The following CSMD1 variants were observed in gnomAD, a reference collection of about 807,000 sequenced individuals.
CSMD1 encodes CUB and sushi domain-containing protein 1.
A neutral mutation model predicts 417.5 loss-of-function variants in CSMD1; 213 were observed. That is an observed-to-expected ratio of 0.51 (90% CI 0.46 to 0.57). CSMD1 has a LOEUF of 0.57. Ranked by LOEUF, CSMD1 falls within the 20% of genes least tolerant of loss-of-function variation. The pLI is 0.00. For missense variants in CSMD1, 6,923 were observed against 4,529.7 expected (o/e 1.53, Z -15.17); for synonymous variants, 2,862 against 1,736.8 (o/e 1.65, Z -16.11).
intron 8 of CSMD1, among the ~76,000 whole-genome samples, chr8:3,609,387 G>T (rs977507800): frequency 2.6e-4 from 39 of 152,230 alleles, no homozygotes; most frequent in Admixed American, 2.0e-3. Context: ...TTTAGACAGT[G>T]GTCTATGGTG....
At chr8:4,772,001 TC>T (rs915115192) in intron 1 of CSMD1, among the ~76,000 whole-genome samples, 6 of 152,160 alleles carry the variant, frequency 3.9e-5, no homozygotes, top group African/African-American at 1.4e-4. Flanking sequence ...GACCCATGTC[TC>T]GTTTCACTGC....
At chr8:2,955,898 A>T in intron 63 of CSMD1, 130 bp from the exon 64 acceptor site, 1 of 588,374 alleles carries the variant, frequency 1.7e-6, no homozygotes, top group South Asian at 3.2e-5. Flanking sequence ...ATATATATAC[A>T]CATATATATG....
intron 3 of CSMD1, among the ~76,000 whole-genome samples, chr8:4,236,730 C>T (rs111460862): frequency 6.6e-5 from 10 of 152,240 alleles, no homozygotes; most frequent in East Asian, 1.9e-4. Context: ...ACTGTGCCTT[C>T]GAAGACTGCT....
chr8:4,561,057 A>G (rs1798309421), intron 2 of CSMD1, among the ~76,000 whole-genome samples: 1 of 152,212 alleles, frequency 6.6e-6, no homozygotes, highest in African/African-American at 2.4e-5. Context: ...TACAAATGAT[A>G]ACAATAAAAT....
intron 3 of CSMD1, among the ~76,000 whole-genome samples, chr8:4,156,051 T>C (rs1796816815): frequency 6.6e-6 from 1 of 152,076 alleles, no homozygotes; most frequent in Non-Finnish European, 1.5e-5. Flanking sequence ...GCTCCATAGA[T>C]TCCTACAGAA....
chr8:4,938,917 A>G (rs1807801895), intron 1 of CSMD1, among the ~76,000 whole-genome samples: 2 of 151,876 alleles, frequency 1.3e-5, no homozygotes, highest in Admixed American at 1.3e-4. Flanking sequence ...CTTTTCATAT[A>G]CTTGTTAAAC....
chr8:3,649,502 AT>A (rs1387916750), intron 7 of CSMD1, among the ~76,000 whole-genome samples: 1 of 152,194 alleles, frequency 6.6e-6, no homozygotes, highest in African/African-American at 2.4e-5. Context: ...ATTTACAATC[AT>A]GGTGGAAAGC....
rs150719253 is a variant in CSMD1 at position 3,969,598 on chromosome 8, G to C, written c.818+28305C>G. On this transcript the variant is annotated intron_variant, in intron 5 of 69. Coordinates refer to ENST00000635120, the MANE Select transcript of CSMD1 (RefSeq NM_033225.6). ...GGCATAATTGAAATTTCATTCCATC[G>C]TAACTTGACATAAAATTAAATAAAG... Among the ~76,000 whole-genome samples the C allele has an allele frequency of 3.5e-3, 525 of 152,056 alleles. 2 individuals are homozygous for C. The highest frequency in any genetic ancestry group is 0.011 in the African/African-American group (468 of 41,478).
At chr8:4,198,156 A>T (rs1263488560) in intron 3 of CSMD1, among the ~76,000 whole-genome samples, 1 of 152,224 alleles carries the variant, frequency 6.6e-6, no homozygotes, top group Non-Finnish European at 1.5e-5. Context: ...GATGATCAGC[A>T]GTCCCGAAGC....
intron 3 of CSMD1, among the ~76,000 whole-genome samples, chr8:4,294,692 C>T (rs537898982): frequency 2.6e-5 from 4 of 152,046 alleles, no homozygotes; most frequent in Admixed American, 1.3e-4. Context: ...TCTAAGATGA[C>T]CATCTATTTT....
intron 17 of CSMD1, among the ~76,000 whole-genome samples, chr8:3,393,855 G>T (rs1196774661): frequency 1.3e-5 from 2 of 150,980 alleles, no homozygotes; most frequent in South Asian, 2.1e-4. Context: ...GTGGGGAGGG[G>T]GCAGGGATAG....
chr8:4,567,223 T>G (rs1022451875), intron 2 of CSMD1, among the ~76,000 whole-genome samples: 1 of 152,166 alleles, frequency 6.6e-6, no homozygotes, highest in Non-Finnish European at 1.5e-5. Flanking sequence ...ACAGTGGGGA[T>G]TGAATATAAG....
intron 26 of CSMD1, among the ~76,000 whole-genome samples, chr8:3,258,438 A>T (rs532649727): frequency 1.4e-4 from 22 of 152,198 alleles, no homozygotes; most frequent in Non-Finnish European, 3.1e-4. Flanking sequence ...AAAAACCGAG[A>T]TATAAAAGAT....
At chr8:3,879,688 C>T (rs1353021338) in intron 5 of CSMD1, among the ~76,000 whole-genome samples, 4 of 151,964 alleles carry the variant, frequency 2.6e-5, no homozygotes, top group African/African-American at 7.3e-5. Context: ...TCACATAGTT[C>T]TCAGAAAAAA....
chr8:3,853,106 G>T (rs761337188), intron 5 of CSMD1, among the ~76,000 whole-genome samples: 1 of 152,094 alleles, frequency 6.6e-6, no homozygotes, highest in African/African-American at 2.4e-5. Context: ...CATCATTCTT[G>T]ATCCAAAAGC....
At chr8:4,341,816 C>T (rs1222994614) in intron 3 of CSMD1, among the ~76,000 whole-genome samples, 7 of 152,042 alleles carry the variant, frequency 4.6e-5, no homozygotes, top group Admixed American at 1.3e-4. Context: ...CATGACTTAA[C>T]GAGCACATCT....
At chr8:4,447,791 A>T (rs1183095918) in intron 2 of CSMD1, among the ~76,000 whole-genome samples, 1 of 152,222 alleles carries the variant, frequency 6.6e-6, no homozygotes, top group Non-Finnish European at 1.5e-5. Flanking sequence ...AAGGAGAAGA[A>T]AATAAACGAA....
intron 52 of CSMD1, among the ~76,000 whole-genome samples, chr8:3,016,423 G>C (rs1036824397): frequency 6.6e-6 from 1 of 152,106 alleles, no homozygotes; most frequent in Non-Finnish European, 1.5e-5. Context: ...ATATGTTCTT[G>C]CTGAGTTTCA....
intron 12 of CSMD1, among the ~76,000 whole-genome samples, chr8:3,443,394 A>G (rs759951871): frequency 2.2e-4 from 33 of 152,200 alleles, no homozygotes; most frequent in Non-Finnish European, 1.8e-4. Flanking sequence ...AATTCATTAG[A>G]TAGAAAAAAA....
Sources: allele counts gnomAD v4.1 joint callset (sites outside exome capture counted in the v4.1 genomes callset), GRCh38; gene constraint gnomAD v4.1.1; transcripts MANE v1.5; gene names NCBI Gene and HGNC (gene_info 2026-07-23, HGNC 2026-07-21).